The following ASXL2 variants were observed in gnomAD, a reference collection of about 807,000 sequenced individuals.
The protein encoded by ASXL2 is putative Polycomb group protein ASXL2.
ASXL2 carries 23 observed loss-of-function variants against 122.0 expected under a neutral mutation model. The observed-to-expected ratio is 0.19, with a 90% CI of 0.14 to 0.27. The LOEUF is 0.27. Ranked by LOEUF, ASXL2 falls within the 10% of genes least tolerant of loss-of-function variation. The pLI is 1.00. For synonymous variants in ASXL2, 650 were observed against 637.0 expected, an observed-to-expected ratio of 1.02 and a Z score of -0.31; for missense variants, 1,518 against 1,713.8, an observed-to-expected ratio of 0.89 and a Z score of 2.02.
At chr2:25,745,537 A>C (rs1397593584) in intron 12 of ASXL2, among the ~76,000 whole-genome samples, 12 of 126,194 alleles carry the variant, frequency 9.5e-5, no homozygotes, top group Middle Eastern at 4.5e-3. Flanking sequence ...CAACACAGTG[A>C]CTCCAGAGGG....
chr2:25,826,016 A>C (rs2089370076), intron 3 of ASXL2, among the ~76,000 whole-genome samples: 1 of 152,178 alleles, frequency 6.6e-6, no homozygotes, highest in Non-Finnish European at 1.5e-5. Flanking sequence ...TAATCACCCA[A>C]TGTCTTATAC....
At chr2:25,837,537 A>G (rs1310426391) in intron 2 of ASXL2, among the ~76,000 whole-genome samples, 1 of 152,156 alleles carries the variant, frequency 6.6e-6, no homozygotes, top group Non-Finnish European at 1.5e-5. Flanking sequence ...ATTTTCGAAA[A>G]GTAAAAATTT....
chr2:25,820,075 C>T (rs940356175), intron 3 of ASXL2, among the ~76,000 whole-genome samples: 5 of 152,058 alleles, frequency 3.3e-5, no homozygotes, highest in Non-Finnish European at 2.9e-5. Context: ...CGATACCTGG[C>T]TAATTATTTT....
At chr2:25,831,499 C>T (rs72801857) in intron 3 of ASXL2, among the ~76,000 whole-genome samples, 6,460 of 151,758 alleles carry the variant, frequency 0.043, 213 homozygotes, top group African/African-American at 0.081. Context: ...ACAAAAAATG[C>T]AAAAATTAGA....
At position 25,735,849 on chromosome 2, in the gene ASXL2, TTTC is replaced by T. The variant is rs1305590681; in HGVS notation, c.*6177_*6179del. 2 of 152,232 alleles carry T rather than the reference TTTC, an allele frequency of 1.3e-5. No homozygotes were observed. Among genetic ancestry groups the T allele is most frequent in the Non-Finnish European group, 2.9e-5 (2 of 68,038 alleles). The allele number at this position is 152,232 out of a possible 1,614,324, so 9.4% of individuals were successfully genotyped here. On this transcript the variant is annotated 3_prime_UTR_variant, in exon 13 of 13. Transcript: ENST00000435504. ...ACACTTTTTTCATCTAGGGACCTTC[TTTC>T]TTCATGTATTTGCCACTACTGTGTC...
intron 12 of ASXL2, among the ~76,000 whole-genome samples, chr2:25,746,436 C>T (rs1380321636): frequency 1.3e-5 from 2 of 150,988 alleles, no homozygotes; most frequent in East Asian, 3.9e-4. Flanking sequence ...TTAGAGGCTG[C>T]CTACAGTAAG....
rs925191849 is a variant in ASXL2, at chr2:25,738,639, CAG to C, written c.*3388_*3389del. 2.0e-5 allele frequency: 3 copies of C among 152,146 alleles called. No individual in the cohort carries two copies. Among genetic ancestry groups the C allele is most frequent in the Admixed American group, 2.0e-4 (3 of 15,272 alleles). The allele number at this position is 152,146 out of a possible 1,614,324, so 9.4% of individuals were successfully genotyped here. Reference sequence around the variant, plus strand: ...CCCCCATTATAGCAAATCACTTCACCAGAGAGTTATTTATGGCTCTCTAAGGT... The same window carrying C: ...CCCCCATTATAGCAAATCACTTCACCAGAGTTATTTATGGCTCTCTAAGGT... On this transcript the variant is annotated 3_prime_UTR_variant, in exon 13 of 13. Coordinates refer to ENST00000435504, the MANE Select transcript of ASXL2 (RefSeq NM_018263.6).
Position 25,878,465 on chromosome 2 carries a change from A to G in ASXL2, c.-243T>C, listed in dbSNP as rs2090029712. 1.9e-6 allele frequency: 1 copy of G among 535,928 alleles called. No homozygotes were observed. The highest frequency in any genetic ancestry group is 3.6e-5 in the Admixed American group (1 of 28,052). 33.2% of individuals were successfully genotyped at this position (535,928 alleles called of 1,614,324 possible). A position where few individuals can be genotyped will look rare whatever the true frequency, so the allele number is the denominator to read the frequency against. ...CGCTGCCATATTGGGTTCTTACTGT[A>G]CAGGCTGCCGCTACGGTCATGTGAC... On this transcript the variant is annotated 5_prime_UTR_variant, in exon 1 of 13. Transcript: ENST00000435504.
intron 3 of ASXL2, among the ~76,000 whole-genome samples, chr2:25,818,364 A>G (rs2089263515): frequency 6.6e-6 from 1 of 152,180 alleles, no homozygotes; most frequent in Non-Finnish European, 1.5e-5. Flanking sequence ...CAAAAAACTT[A>G]GCTGGGCATG....
chr2:25,856,384 T>TTTTTTTTTTTC, intron 1 of ASXL2: 2 of 503,006 alleles, frequency 4.0e-6, no homozygotes, highest in Non-Finnish European at 7.4e-6. Context: ...TTTTTTTTTT[T>TTTTTTTTTTTC]GACACCAGTG....
At chr2:25,855,461 G>A (rs1218628487) in intron 1 of ASXL2, among the ~76,000 whole-genome samples, 1 of 152,126 alleles carries the variant, frequency 6.6e-6, no homozygotes, top group East Asian at 1.9e-4. Flanking sequence ...CTGAGGTCAG[G>A]AGTTTGAGAC....
intron 1 of ASXL2, among the ~76,000 whole-genome samples, chr2:25,870,949 T>G (rs1053228692): frequency 2.6e-5 from 4 of 152,204 alleles, no homozygotes; most frequent in African/African-American, 9.6e-5. Context: ...TAGGATTAAC[T>G]CTTTACATAC....
At chr2:25,783,546 GTTTAC>G (rs1295616924) in intron 5 of ASXL2, among the ~76,000 whole-genome samples, 5 of 151,182 alleles carry the variant, frequency 3.3e-5, no homozygotes, top group African/African-American at 1.2e-4. Flanking sequence ...CTATCTATTA[GTTTAC>G]TTTATTATTC....
intron 2 of ASXL2, among the ~76,000 whole-genome samples, chr2:25,837,971 A>AC (rs2089533132): frequency 1.3e-5 from 2 of 151,536 alleles, no homozygotes; most frequent in African/African-American, 4.8e-5. Flanking sequence ...AAAAAAAAAA[A>AC]ACACAAAAAA....
intron 5 of ASXL2, 124 bp from the exon 6 acceptor site, chr2:25,771,664 A>G: frequency 1.3e-6 from 1 of 770,362 alleles, no homozygotes; most frequent in Non-Finnish European, 2.0e-6. Flanking sequence ...GGAACGATGT[A>G]CTTTTTGGAG....
intron 8 of ASXL2, among the ~76,000 whole-genome samples, chr2:25,766,599 C>T (rs1378474777): frequency 6.6e-6 from 1 of 152,132 alleles, no homozygotes; most frequent in African/African-American, 2.4e-5. Context: ...TCTTTAGGTA[C>T]CAATCCACCA....
At chr2:25,748,894 A>G (rs1236143263) in intron 12 of ASXL2, among the ~76,000 whole-genome samples, 1 of 152,256 alleles carries the variant, frequency 6.6e-6, no homozygotes, top group African/African-American at 2.4e-5. Context: ...GCTAACTGGA[A>G]GTTAATCACA....
chr2:25,868,308 C>T (rs1280092623), intron 1 of ASXL2, among the ~76,000 whole-genome samples: 1 of 152,230 alleles, frequency 6.6e-6, no homozygotes, highest in Non-Finnish European at 1.5e-5. Context: ...TTAAAGATGA[C>T]GTGGGCCATC....
intron 3 of ASXL2, among the ~76,000 whole-genome samples, chr2:25,830,250 T>C (rs746951164): frequency 8.2e-4 from 125 of 152,216 alleles, no homozygotes; most frequent in Non-Finnish European, 9.7e-4. Context: ...AGCCAAAATA[T>C]CCAGGGTTCA....
Sources: gnomAD v4.1 joint callset for allele counts (sites outside exome capture counted in the v4.1 genomes callset) on GRCh38, gnomAD v4.1.1 for gene constraint, MANE v1.5 for transcripts, NCBI Gene and HGNC (gene_info 2026-07-23, HGNC 2026-07-21) for gene names.